The following TENM3 variants were observed in gnomAD, a reference collection of about 807,000 sequenced individuals.
The protein encoded by TENM3 is teneurin transmembrane protein 3, also known as teneurin-3.
TENM3 carries 63 observed loss-of-function variants against 255.1 expected under a neutral mutation model. The ratio of observed to expected loss-of-function variants is 0.25; its 90% CI spans 0.20 to 0.30. The LOEUF is 0.30. TENM3 is among the 10% of genes least tolerant of loss of function. The pLI is 1.00. For missense variants in TENM3, 2,929 were observed against 3,461.1 expected (o/e 0.85, Z 3.86); for synonymous variants, 1,306 against 1,322.3 (o/e 0.99, Z 0.27).
chr4:181,719,998 A>C, the TENM3 span, among the ~76,000 whole-genome samples: 1 of 152,322 alleles, frequency 6.6e-6, no homozygotes, highest in Non-Finnish European at 1.5e-5. Context: ...CTACTGTGTG[A>C]CATTCTCAAA....
chr4:182,647,534 G>A (rs1044570389), intron 5 of TENM3, among the ~76,000 whole-genome samples: 24 of 152,098 alleles, frequency 1.6e-4, no homozygotes, highest in Non-Finnish European at 2.9e-4. Context: ...TTTGCATGTC[G>A]CATTCTATAG....
chr4:182,703,262 G>C (rs1431378648), intron 12 of TENM3, among the ~76,000 whole-genome samples: 1 of 152,116 alleles, frequency 6.6e-6, no homozygotes, highest in Non-Finnish European at 1.5e-5. Flanking sequence ...TTTTATCCAG[G>C]AAATGTTAAA....
chr4:182,608,094 T>C (rs898738442), intron 4 of TENM3, among the ~76,000 whole-genome samples: 1 of 152,244 alleles, frequency 6.6e-6, no homozygotes, highest in African/African-American at 2.4e-5. Context: ...TAGTATTGTC[T>C]GTAAAAGTAT....
chr4:182,348,238 A>G (rs1764957370), intron 3 of TENM3, among the ~76,000 whole-genome samples: 1 of 152,192 alleles, frequency 6.6e-6, no homozygotes, highest in Admixed American at 6.5e-5. Flanking sequence ...CAAAAGAAGA[A>G]ACAAGGACAG....
At chr4:181,481,089 G>A in the TENM3 span, among the ~76,000 whole-genome samples, 1 of 151,176 alleles carries the variant, frequency 6.6e-6, no homozygotes, top group African/African-American at 2.4e-5. Flanking sequence ...ATACCTACTT[G>A]AGGATAACAC....
At chr4:181,668,506 C>T in the TENM3 span, among the ~76,000 whole-genome samples, 1 of 152,136 alleles carries the variant, frequency 6.6e-6, no homozygotes, top group Admixed American at 6.5e-5. Flanking sequence ...TGCTACGGGT[C>T]TCTCTCCTAG....
At chr4:181,893,501 C>A in the TENM3 span, among the ~76,000 whole-genome samples, 9 of 110,818 alleles carry the variant, frequency 8.1e-5, no homozygotes, top group Admixed American at 2.2e-4. Context: ...ACCCCCCCCC[C>A]ACCCCCACCA....
intron 3 of TENM3, among the ~76,000 whole-genome samples, chr4:182,544,699 C>T (rs573993513): frequency 8.5e-5 from 13 of 152,120 alleles, no homozygotes; most frequent in Non-Finnish European, 1.6e-4. Flanking sequence ...TACCTCCTCA[C>T]CTTTTAAACC....
intron 3 of TENM3, among the ~76,000 whole-genome samples, chr4:182,516,070 C>T (rs925549438): frequency 1.3e-5 from 2 of 152,168 alleles, no homozygotes; most frequent in Non-Finnish European, 2.9e-5. Context: ...CAAATTTAAC[C>T]ATGCCATTGG....
At position 182,161,786 on chromosome 4, in the gene TENM3, A is replaced by ATATATGTATATATATACACAT. The variant is rs1561153366; in HGVS notation, c.-76+17032_-76+17033insTATATGTATATATATACACAT. Among the ~76,000 whole-genome samples, 450 of 18,494 alleles carry ATATATGTATATATATACACAT rather than the reference A, an allele frequency of 0.024. 146 individuals are homozygous for ATATATGTATATATATACACAT. In the East Asian group the frequency reaches 0.34, roughly 14 times the overall value. 12.1% of individuals were successfully genotyped at this position (18,494 alleles called of 152,430 possible). On this transcript the variant is annotated intron_variant, in intron 1 of 2. Transcript: ENST00000512480. ...ATATATGTGTATATATATATACACAAATATATGTATATATATACACATATA... is the reference window on the plus strand; with the variant it reads ...ATATATGTGTATATATATATACACAATATATGTATATATATACACATATATATGTATATATATACACATATA...
the TENM3 span, among the ~76,000 whole-genome samples, chr4:182,041,715 G>A: frequency 6.6e-6 from 1 of 152,094 alleles, no homozygotes; most frequent in South Asian, 2.1e-4. Context: ...TCAAGCAAGA[G>A]AACTAAAGAC....
At chr4:181,991,262 G>A in the TENM3 span, among the ~76,000 whole-genome samples, 2 of 152,222 alleles carry the variant, frequency 1.3e-5, no homozygotes, top group African/African-American at 4.8e-5. Flanking sequence ...CTGTTTTTCA[G>A]TTTAGATTGA....
intron 3 of TENM3, among the ~76,000 whole-genome samples, chr4:182,583,149 T>C (rs1745670166): frequency 6.6e-6 from 1 of 152,224 alleles, no homozygotes; most frequent in Non-Finnish European, 1.5e-5. Context: ...GCCAGCTTTA[T>C]CTTACATCAG....
chr4:182,569,114 T>G (rs934736569), intron 3 of TENM3, among the ~76,000 whole-genome samples: 1 of 152,212 alleles, frequency 6.6e-6, no homozygotes, highest in African/African-American at 2.4e-5. Flanking sequence ...CAAACTGAAC[T>G]CTTGAGATCG....
At chr4:181,923,009 G>A in the TENM3 span, among the ~76,000 whole-genome samples, 27,525 of 152,050 alleles carry the variant, frequency 0.18, 3,050 homozygotes, top group Non-Finnish European at 0.25. Flanking sequence ...AGTCATTCAG[G>A]AGCAGGTTGT....
the TENM3 span, among the ~76,000 whole-genome samples, chr4:181,632,627 ATCT>A: frequency 6.6e-6 from 1 of 152,166 alleles, no homozygotes; most frequent in African/African-American, 2.4e-5. Flanking sequence ...TTTTAGCTTG[ATCT>A]TCTTCCTGGG....
At chr4:182,148,753 A>G (rs1368896857) in intron 1 of TENM3, among the ~76,000 whole-genome samples, 2 of 152,028 alleles carry the variant, frequency 1.3e-5, no homozygotes, top group Admixed American at 1.3e-4. Flanking sequence ...GGTGAACGTT[A>G]TCATCCCCAC....
chr4:182,527,492 TAAAAA>T (rs35017123), intron 3 of TENM3, among the ~76,000 whole-genome samples: 1 of 148,220 alleles, frequency 6.7e-6, no homozygotes, highest in African/African-American at 2.5e-5. Flanking sequence ...TCTGTTGGTT[TAAAAA>T]AAAAAAAACC....
chr4:181,633,132 A>T, the TENM3 span, among the ~76,000 whole-genome samples: 1 of 152,138 alleles, frequency 6.6e-6, no homozygotes, highest in African/African-American at 2.4e-5. Flanking sequence ...TATTAATCTC[A>T]TACGGTTGTT....
Sources: allele counts gnomAD v4.1 joint callset (sites outside exome capture counted in the v4.1 genomes callset), GRCh38; gene constraint gnomAD v4.1.1; transcripts MANE v1.5; gene names NCBI Gene and HGNC (gene_info 2026-07-23, HGNC 2026-07-21).